The following THSD7B variants were observed in gnomAD, a reference collection of about 807,000 sequenced individuals.
THSD7B encodes the protein thrombospondin type 1 domain containing 7B.
A neutral mutation model predicts 213.6 loss-of-function variants in THSD7B; 138 were observed. The ratio of observed to expected loss-of-function variants is 0.65; its 90% CI spans 0.56 to 0.74. The LOEUF (loss-of-function observed/expected upper bound fraction) is 0.74. Ranked by LOEUF, THSD7B falls within the 30% of genes least tolerant of loss-of-function variation. THSD7B has a pLI of 0.00. For synonymous variants in THSD7B, 742 were observed against 687.0 expected (o/e 1.08, Z -1.25); for missense variants, 1,931 against 1,991.5 (o/e 0.97, Z 0.58).
intron 2 of THSD7B, among the ~76,000 whole-genome samples, chr2:136,897,792 G>C (rs1683987816): frequency 1.3e-5 from 2 of 151,824 alleles, no homozygotes; most frequent in Non-Finnish European, 2.9e-5. Flanking sequence ...CGCTTTTACA[G>C]AGTGCTGATT....
At chr2:137,187,750 T>C (rs747304268) in intron 7 of THSD7B, among the ~76,000 whole-genome samples, 13 of 152,208 alleles carry the variant, frequency 8.5e-5, no homozygotes, top group Non-Finnish European at 1.8e-4. Context: ...TTAGATAATA[T>C]CTTGTGTTGA....
chr2:137,279,364 T>C (rs1178595848), intron 12 of THSD7B, among the ~76,000 whole-genome samples: 3 of 152,094 alleles, frequency 2.0e-5, no homozygotes, highest in East Asian at 3.9e-4. Flanking sequence ...AACGAGACCC[T>C]GTCTCTACAA....
intron 2 of THSD7B, among the ~76,000 whole-genome samples, chr2:137,040,990 A>C (rs1686872987): frequency 6.6e-6 from 1 of 152,194 alleles, no homozygotes; most frequent in African/African-American, 2.4e-5. Flanking sequence ...TGTTACAGTA[A>C]GTTGGTGCCA....
chr2:137,654,760 TG>T (rs1683204566), intron 21 of THSD7B, among the ~76,000 whole-genome samples: 1 of 151,974 alleles, frequency 6.6e-6, no homozygotes, highest in African/African-American at 2.4e-5. Flanking sequence ...TGGTTTTCTG[TG>T]GGGGGCTGGA....
At chr2:137,240,500 A>C (rs1681875998) in intron 9 of THSD7B, among the ~76,000 whole-genome samples, 2 of 143,234 alleles carry the variant, frequency 1.4e-5, no homozygotes, top group Non-Finnish European at 3.1e-5. Context: ...TTTTTCTCTC[A>C]CTCTCTCTCT....
intron 15 of THSD7B, among the ~76,000 whole-genome samples, chr2:137,495,412 C>G (rs550622058): frequency 6.6e-6 from 1 of 152,196 alleles, no homozygotes; most frequent in South Asian, 2.1e-4. Flanking sequence ...TAGATCTTAA[C>G]TCCCTCAATC....
intron 17 of THSD7B, among the ~76,000 whole-genome samples, chr2:137,575,725 C>CACACATATATATAT (rs59620213): frequency 1.4e-4 from 16 of 110,860 alleles, no homozygotes; most frequent in Middle Eastern, 5.3e-3. Context: ...CCATAACACA[C>CACACATATATATAT]ATATATATAT....
At chr2:137,456,589 A>C (rs901570524) in intron 15 of THSD7B, among the ~76,000 whole-genome samples, 1 of 152,212 alleles carries the variant, frequency 6.6e-6, no homozygotes, top group African/African-American at 2.4e-5. Context: ...GGAGCCCCAG[A>C]CTTTACTGGA....
At position 137,412,550 on chromosome 2, in the gene THSD7B, CTG is replaced by C. The variant is rs1686683833; in HGVS notation, c.2959+681_2959+682del. 2.3e-5 allele frequency among the ~76,000 whole-genome samples: 3 copies of C among 130,462 alleles called. No individual in the cohort carries two copies. The South Asian group carries it at 7.4e-4, about 32-fold the overall frequency. The allele number at this position is 130,462 out of a possible 152,430, so 85.6% of individuals were successfully genotyped here. On this transcript the variant is annotated intron_variant, in intron 14 of 27. Coordinates refer to ENST00000409968, the MANE Select transcript of THSD7B (RefSeq NM_001316349.2). ...GGGCAGAGGTTGCAGTGAGCCCAGACTGTGCCATTACACTCTTTCCTGGGCAA... is the reference window on the plus strand; with the variant it reads ...GGGCAGAGGTTGCAGTGAGCCCAGACTGCCATTACACTCTTTCCTGGGCAA...
intron 7 of THSD7B, among the ~76,000 whole-genome samples, chr2:137,190,716 T>C (rs184352821): frequency 4.6e-5 from 7 of 152,176 alleles, no homozygotes; most frequent in Non-Finnish European, 5.9e-5. Flanking sequence ...TCTAACACTA[T>C]AATTCAGAGA....
chr2:136,836,673 C>A (rs1244514296), intron 1 of THSD7B, among the ~76,000 whole-genome samples: 1 of 152,182 alleles, frequency 6.6e-6, no homozygotes, highest in Non-Finnish European at 1.5e-5. Flanking sequence ...TAGGTGATTT[C>A]TTCCAGTCCT....
intron 5 of THSD7B, among the ~76,000 whole-genome samples, chr2:137,139,855 T>C (rs1679546419): frequency 6.6e-6 from 1 of 152,178 alleles, no homozygotes. Context: ...AGTAAAAAGA[T>C]AACACATGAT....
intron 12 of THSD7B, among the ~76,000 whole-genome samples, chr2:137,341,859 T>G (rs1684769500): frequency 6.6e-6 from 1 of 151,750 alleles, no homozygotes; most frequent in Non-Finnish European, 1.5e-5. Flanking sequence ...AGCATTCTGT[T>G]TTAATTACTA....
chr2:137,507,287 C>G (rs2105146100), intron 15 of THSD7B, among the ~76,000 whole-genome samples: 1 of 152,280 alleles, frequency 6.6e-6, no homozygotes, highest in Non-Finnish European at 1.5e-5. Flanking sequence ...GAATTGCCAG[C>G]CTTGGGGAGG....
chr2:137,460,560 G>T (rs1271576466), intron 15 of THSD7B, among the ~76,000 whole-genome samples: 1 of 151,970 alleles, frequency 6.6e-6, no homozygotes, highest in African/African-American at 2.4e-5. Context: ...AAAAGCTGTT[G>T]TCACTGCTTC....
At chr2:137,391,309 C>CTTT (rs1686020802) in intron 12 of THSD7B, among the ~76,000 whole-genome samples, 1 of 151,962 alleles carries the variant, frequency 6.6e-6, no homozygotes, top group Non-Finnish European at 1.5e-5. Context: ...TGTTATGTCC[C>CTTT]TTTTTTCATT....
chr2:137,199,276 C>G (rs921142309), intron 7 of THSD7B, among the ~76,000 whole-genome samples: 2 of 152,036 alleles, frequency 1.3e-5, no homozygotes, highest in Non-Finnish European at 1.5e-5. Flanking sequence ...GATAATGTAT[C>G]TAGTCTTTTC....
At chr2:137,278,300 A>G (rs1682917806) in intron 12 of THSD7B, among the ~76,000 whole-genome samples, 1 of 152,136 alleles carries the variant, frequency 6.6e-6, no homozygotes, top group Non-Finnish European at 1.5e-5. Context: ...CTTCCAGAGT[A>G]AACACCATGA....
intron 7 of THSD7B, among the ~76,000 whole-genome samples, chr2:137,212,913 G>A (rs1423975607): frequency 2.0e-5 from 3 of 151,220 alleles, no homozygotes; most frequent in East Asian, 2.0e-4. Flanking sequence ...TACTTTCCTC[G>A]ATAGTTGATA....
Sources: gnomAD v4.1 joint callset for allele counts (sites outside exome capture counted in the v4.1 genomes callset) on GRCh38, gnomAD v4.1.1 for gene constraint, MANE v1.5 for transcripts, NCBI Gene and HGNC (gene_info 2026-07-23, HGNC 2026-07-21) for gene names.